Variants in NBPF8 observed in about 807,000 individuals in gnomAD.
NBPF8 encodes NBPF family member NBPF8.
chr1:120,454,351 G>A (rs1661374537), intron 15 of NBPF8, among the ~76,000 whole-genome samples: 2 of 152,076 alleles, frequency 1.3e-5, no homozygotes, highest in African/African-American at 4.8e-5. Context: ...CCTGAGTGCA[G>A]GAGGTGCACA....
chr1:120,434,128 G>C (rs1553247430), upstream of NBPF8: 1 of 152,468 alleles, frequency 6.6e-6, no homozygotes, highest in Non-Finnish European at 1.5e-5. Context: ...CTGGGCTGGC[G>C]GGTGGGGGAG....
Position 120,453,913 on chromosome 1 carries a change from A to G in NBPF8, n.2367A>G. On this transcript the variant is annotated non_coding_transcript_exon_variant, in exon 15 of 25. Coordinates refer to ENST00000583271, the Ensembl canonical transcript of NBPF8. ...CTGTCCCACCTGGCTCATCAGGGAG[A>G]TGCAGAAGGCTGAAGAAAAGGAAGT... 4 of 1,378,342 alleles carry G rather than the reference A, an allele frequency of 2.9e-6. No individual in the cohort carries two copies. The East Asian group carries it at 6.9e-5, about 24-fold the overall frequency. 85.4% of individuals were successfully genotyped at this position (1,378,342 alleles called of 1,614,324 possible). A position where few individuals can be genotyped will look rare whatever the true frequency, so the allele number is the denominator to read the frequency against.
At chr1:120,434,406 G>A (rs1661012161), upstream of NBPF8, among the ~76,000 whole-genome samples, 1 of 145,254 alleles carries the variant, frequency 6.9e-6, no homozygotes, top group Non-Finnish European at 1.5e-5. Context: ...ATATACACGT[G>A]TATATATATT....
chr1:120,429,541 C>T (rs1373259941), intron 3 of NBPF8, among the ~76,000 whole-genome samples: 9 of 152,204 alleles, frequency 5.9e-5, no homozygotes, highest in East Asian at 3.9e-4. Flanking sequence ...AGAGACATGG[C>T]GGGAGGGATT....
At chr1:120,464,744 C>T (rs1156232641) in intron 23 of NBPF8, among the ~76,000 whole-genome samples, 196 bp downstream of exon 21, 8 of 145,502 alleles carry the variant, frequency 5.5e-5, no homozygotes, top group Non-Finnish European at 7.6e-5. Flanking sequence ...GCAAGACTCT[C>T]TTCCTAGTCT....
At chr1:120,425,504 C>T (rs1660698009) in intron 1 of NBPF8, among the ~76,000 whole-genome samples, 1 of 152,146 alleles carries the variant, frequency 6.6e-6, no homozygotes, top group South Asian at 2.1e-4. Context: ...TCCTATTGTC[C>T]TGCCACATCC....
At chr1:120,431,382 A>G (rs1482245203), upstream of NBPF8, among the ~76,000 whole-genome samples, 2 of 70,392 alleles carry the variant, frequency 2.8e-5, no homozygotes, top group South Asian at 3.3e-4. Context: ...ATATATATAT[A>G]TATATATATA....
exon 25 of NBPF8, chr1:120,466,434 G>C: frequency 1.8e-6 from 1 of 550,372 alleles, no homozygotes; most frequent in Non-Finnish European, 3.1e-6. Flanking sequence ...TCACATAACT[G>C]TGCAGCACAT....
chr1:120,451,778 G>A (rs1423212349), intron 12 of NBPF8, among the ~76,000 whole-genome samples: 2 of 148,424 alleles, frequency 1.3e-5, no homozygotes, highest in Non-Finnish European at 3.0e-5. Flanking sequence ...GCCGCAAGAT[G>A]CACTATGTGT....
intron 3 of NBPF8, among the ~76,000 whole-genome samples, chr1:120,431,281 G>GCA (rs1660866571): frequency 0.027 from 3,231 of 119,440 alleles, 59 homozygotes; most frequent in Non-Finnish European, 0.042. Flanking sequence ...GTGTGTGTGT[G>GCA]TATATTCACC....
At chr1:120,431,010 G>A (rs1471628462) in intron 3 of NBPF8, among the ~76,000 whole-genome samples, 2 of 150,412 alleles carry the variant, frequency 1.3e-5, no homozygotes, top group African/African-American at 4.9e-5. Context: ...CATTTATATG[G>A]TAATGTCAAT....
upstream of NBPF8, among the ~76,000 whole-genome samples, chr1:120,419,293 G>A (rs1458069394): frequency 1.4e-4 from 21 of 152,318 alleles, no homozygotes; most frequent in African/African-American, 4.6e-4. Context: ...CGAAAGCTCA[G>A]CGAGACAGCC....
chr1:120,464,133 CTGTGTGTGTGTGTGTG>C (rs1169651864), intron 22 of NBPF8, among the ~76,000 whole-genome samples: 2 of 38,984 alleles, frequency 5.1e-5, no homozygotes, highest in Non-Finnish European at 8.5e-5. Flanking sequence ...CTCTCTCTCT[CTGTGTGTGTGTGTGTG>C]TGTGTGTGTG....
At chr1:120,450,830 T>C (rs1661247346) in intron 11 of NBPF8, among the ~76,000 whole-genome samples, 1 of 151,956 alleles carries the variant, frequency 6.6e-6, no homozygotes, top group African/African-American at 2.4e-5. Flanking sequence ...CACTACTTCA[T>C]GCCCCAGTGC....
At chr1:120,434,348 GTATA>G (rs1322868595), upstream of NBPF8, among the ~76,000 whole-genome samples, 1 of 146,126 alleles carries the variant, frequency 6.8e-6, no homozygotes, top group Non-Finnish European at 1.5e-5. Context: ...TCATGTGTGT[GTATA>G]TATTATATAT....
upstream of NBPF8, chr1:120,434,171 G>A (rs1361820770): frequency 4.4e-3 from 660 of 151,242 alleles, no homozygotes; most frequent in Middle Eastern, 9.8e-3. Flanking sequence ...TGTCCTCCTC[G>A]CCACGACTCT....
At chr1:120,418,626 C>T (rs1167263876), upstream of NBPF8, among the ~76,000 whole-genome samples, 2 of 138,054 alleles carry the variant, frequency 1.4e-5, no homozygotes, top group African/African-American at 2.9e-5. Context: ...TCATGGGTCT[C>T]TGCAGCCTTG....
At chr1:120,431,277 GTGTGTA>G (rs1282781344) in intron 3 of NBPF8, among the ~76,000 whole-genome samples, 3 of 132,438 alleles carry the variant, frequency 2.3e-5, no homozygotes, top group Admixed American at 7.4e-5. Flanking sequence ...GTGTGTGTGT[GTGTGTA>G]TATTCACCGT....
intron 3 of NBPF8, among the ~76,000 whole-genome samples, chr1:120,428,346 A>C (rs1277794036): frequency 1.2e-4 from 18 of 152,330 alleles, no homozygotes; most frequent in African/African-American, 4.3e-4. Context: ...AAAACAAAGT[A>C]GCCAAAAAGA....
Sources: gnomAD v4.1 joint callset for allele counts (sites outside exome capture counted in the v4.1 genomes callset) on GRCh38, gnomAD v4.1.1 for gene constraint, MANE v1.5 for transcripts, NCBI Gene and HGNC (gene_info 2026-07-23, HGNC 2026-07-21) for gene names.